The following WDR17 variants were observed in gnomAD, a reference collection of about 807,000 sequenced individuals.
WDR17 encodes WD repeat-containing protein 17.
A neutral mutation model predicts 161.7 loss-of-function variants in WDR17; 143 were observed. That is an observed-to-expected ratio of 0.88 (90% confidence interval 0.77 to 1.02). WDR17 has a LOEUF of 1.02. Ranked by LOEUF, WDR17 falls within the 50% of genes least tolerant of loss-of-function variation. WDR17 has a pLI of 0.00. For missense variants in WDR17, 1,469 were observed against 1,520.9 expected (o/e 0.97, Z 0.57); for synonymous variants, 517 against 515.6 (o/e 1.00, Z -0.04).
At chr4:176,175,611 G>A (rs1408768320) in intron 26 of WDR17, among the ~76,000 whole-genome samples, 2 of 152,254 alleles carry the variant, frequency 1.3e-5, no homozygotes, top group East Asian at 1.9e-4. Context: ...AGGCTGGAGT[G>A]CAGTGGCACA....
At position 176,128,874 on chromosome 4, in the gene WDR17, T is replaced by C; in HGVS notation, c.913+14T>C. 6.5e-7 allele frequency: 1 copy of C among 1,543,600 alleles called. No individual in the cohort carries two copies. The highest frequency in any genetic ancestry group is 8.7e-7 in the Non-Finnish European group (1 of 1,148,744). ...CAAGAAAAAAGTGTAAGTAAAAATGTTATCAAAATTTTAATTTTTAAAAAA... is the reference window on the plus strand; with the variant it reads ...CAAGAAAAAAGTGTAAGTAAAAATGCTATCAAAATTTTAATTTTTAAAAAA... On this transcript the variant is annotated intron_variant, in intron 6 of 28. Transcript: ENST00000508596.
At chr4:176,078,722 A>G (rs1274726675) in intron 1 of WDR17, among the ~76,000 whole-genome samples, 1 of 152,032 alleles carries the variant, frequency 6.6e-6, no homozygotes, top group Non-Finnish European at 1.5e-5. Flanking sequence ...GATCTTTGTC[A>G]TGGGCTTTTT....
At chr4:176,165,731 A>G (rs1224240695) in intron 22 of WDR17, among the ~76,000 whole-genome samples, 1 of 152,222 alleles carries the variant, frequency 6.6e-6, no homozygotes, top group Non-Finnish European at 1.5e-5. Flanking sequence ...CCTACTGAGC[A>G]GTTCAAACTC....
rs1270466819 is a variant in WDR17 at position 176,182,416 on chromosome 4, T to C, written c.*2837T>C. 6.6e-6 allele frequency: 1 copy of C among 150,858 alleles called. No individual in the cohort carries two copies. The highest frequency in any genetic ancestry group is 1.5e-5 in the Non-Finnish European group (1 of 67,686). The allele number at this position is 150,858 out of a possible 1,614,324, so 9.3% of individuals were successfully genotyped here. A position where few individuals can be genotyped will look rare whatever the true frequency, so the allele number is the denominator to read the frequency against. ...GTGCGTGTGTGTGTGTATATATATA[T>C]ATATATATATATATTTCTATGAAAT... On this transcript the variant is annotated 3_prime_UTR_variant, in exon 29 of 29. Transcript: ENST00000508596. This position sits in a 1 kb window ranked among gnomAD's most constrained non-coding sequence, Gnocchi z 4.2.
chr4:176,152,339 G>C (rs1313235290), intron 17 of WDR17, among the ~76,000 whole-genome samples: 1 of 140,644 alleles, frequency 7.1e-6, no homozygotes, highest in Non-Finnish European at 1.5e-5. Context: ...GCTCACGCCT[G>C]TAATCCCAAC....
At chr4:176,089,431 T>G (rs1735830500) in intron 1 of WDR17, among the ~76,000 whole-genome samples, 1 of 152,204 alleles carries the variant, frequency 6.6e-6, no homozygotes, top group Non-Finnish European at 1.5e-5. Context: ...TACTACAATT[T>G]TGATCCCCAG....
intron 1 of WDR17, among the ~76,000 whole-genome samples, chr4:176,082,139 C>T (rs1193440618): frequency 6.6e-6 from 1 of 151,626 alleles, no homozygotes; most frequent in African/African-American, 2.4e-5. Flanking sequence ...TACTATTTGC[C>T]AAAATGAATG....
Position 176,150,703 on chromosome 4 carries a change from TA to T in WDR17, c.2304+113del, listed in dbSNP as rs1363585414. 14 of 1,112,852 alleles carry T rather than the reference TA, an allele frequency of 1.3e-5. No homozygotes were observed. In the African/African-American group the frequency reaches 2.3e-4, roughly 18 times the overall value. 68.9% of individuals were successfully genotyped at this position (1,112,852 alleles called of 1,614,324 possible). ...ATATGATTAGATCGGTAGATTTAAA[TA>T]AATGAACACTGAGGAGATCCATCTT... is the stretch of plus-strand genomic sequence containing the variant. On this transcript the variant is annotated intron_variant, in intron 16 of 28. Coordinates refer to ENST00000508596, the MANE Select transcript of WDR17 (RefSeq NM_181265.4).
chr4:176,085,764 C>A (rs919864591), intron 1 of WDR17, among the ~76,000 whole-genome samples: 1 of 152,004 alleles, frequency 6.6e-6, no homozygotes. Context: ...ATTTCCTCTA[C>A]TGAATGTTTG....
At chr4:176,157,790 T>G (rs1023852420) in intron 18 of WDR17, among the ~76,000 whole-genome samples, 8 of 152,196 alleles carry the variant, frequency 5.3e-5, no homozygotes, top group South Asian at 2.1e-4. Flanking sequence ...GCTTTCTATG[T>G]TAGGTATCTG....
At chr4:176,175,635 G>T (rs905180353) in intron 26 of WDR17, among the ~76,000 whole-genome samples, 30 of 151,498 alleles carry the variant, frequency 2.0e-4, no homozygotes, top group African/African-American at 6.8e-4. Context: ...TCAGCCCACT[G>T]CAACCTCCGC....
At chr4:176,179,366 T>G (rs892899761) in intron 28 of WDR17, 94 bp from the exon 29 acceptor site, 25 of 1,209,416 alleles carry the variant, frequency 2.1e-5, no homozygotes, top group Non-Finnish European at 2.6e-5. Context: ...AATATTATGT[T>G]TTTTTTTATT....
Position 176,145,996 on chromosome 4 carries a change from G to A in WDR17, c.1531G>A (p.Asp511Asn), listed in dbSNP as rs1746094559. 10 of 1,612,146 alleles carry A rather than the reference G, an allele frequency of 6.2e-6. 1 individual carries two copies. The Middle Eastern group carries it at 5.0e-4, about 80-fold the overall frequency. The change falls in exon 12 of 29, where the codon GAC becomes AAC. Residue 511 changes from aspartate to asparagine, a missense_variant and splice_region_variant. Transcript: ENST00000508596. ...AATATTCCATTGATGATATTTCAGA[G>A]ACATGATAGCCACTGGCTGTGAAGA... Reference protein sequence around the residue: ...FGCDWSQNNKDMIATGCEDTN... With the variant: ...FGCDWSQNNKNMIATGCEDTN...
rs1214249929 is a variant in WDR17, at chr4:176,168,720, T to C, written c.3039T>C (p.His1013=). The C allele has an allele frequency of 6.2e-7, 1 of 1,613,628 alleles. No homozygotes were observed. Among genetic ancestry groups the C allele is most frequent in the East Asian group, 2.2e-5 (1 of 44,772 alleles). ...LLLMIPDNEL[H]LIKLCAFYPG... is the part of the protein sequence containing the mutation. ...TGATGATTCCTGATAATGAACTACA[T>C]TTAATAAAACTCTGTGCTTTCTACC... Residue 1013 remains histidine (H), a synonymous_variant, in exon 23 of 29, where the codon CAT becomes CAC. Coordinates refer to ENST00000508596, the MANE Select transcript of WDR17 (RefSeq NM_181265.4).
At chr4:176,153,604 A>G (rs1219634008) in intron 17 of WDR17, among the ~76,000 whole-genome samples, 1 of 152,206 alleles carries the variant, frequency 6.6e-6, no homozygotes, top group East Asian at 1.9e-4. Context: ...CAACCGTTAG[A>G]ATGGCATGGA....
rs1752107089 is a variant in WDR17 at position 176,181,028 on chromosome 4, TTTTA to T, written c.*1452_*1455del. 1 of 152,164 alleles carries T rather than the reference TTTTA, an allele frequency of 6.6e-6. No homozygotes were observed. Among genetic ancestry groups the T allele is most frequent in the African/African-American group, 2.4e-5 (1 of 41,442 alleles). The allele number at this position is 152,164 out of a possible 1,614,324, so 9.4% of individuals were successfully genotyped here. On this transcript the variant is annotated 3_prime_UTR_variant, in exon 29 of 29. Coordinates refer to ENST00000508596, the MANE Select transcript of WDR17 (RefSeq NM_181265.4). ...CTCATATAACTAGAATACTTGTGGC[TTTTA>T]TTATCTTTAAACTTGTTGCATTTAA... is the stretch of plus-strand genomic sequence containing the variant.
intron 23 of WDR17, among the ~76,000 whole-genome samples, chr4:176,170,599 G>T (rs752059357): frequency 2.6e-5 from 4 of 152,128 alleles, no homozygotes; most frequent in Non-Finnish European, 4.4e-5. Context: ...ACAGGCATGA[G>T]CCACCACGCC....
At chr4:176,150,202 A>AT in intron 15 of WDR17, 29 bp downstream of exon 15, 1 of 1,606,200 alleles carries the variant, frequency 6.2e-7, no homozygotes, top group Non-Finnish European at 8.5e-7. Context: ...AAATGCGAAT[A>AT]TTTTCCCTTT....
rs769325828 is a variant in WDR17, at chr4:176,141,965, T to G, written c.1443-18T>G. On this transcript the variant is annotated intron_variant, in intron 10 of 28. Coordinates refer to ENST00000508596, the MANE Select transcript of WDR17 (RefSeq NM_181265.4). ...TTAGAGTATTGTTTTTCTATTAACA[T>G]ATTATAATTAATTCTAGTATTATTC... The G allele has an allele frequency of 2.6e-6, 4 of 1,530,142 alleles. No individual in the cohort carries two copies. The highest frequency in any genetic ancestry group is 3.6e-6 in the Non-Finnish European group (4 of 1,118,518). 94.8% of individuals were successfully genotyped at this position (1,530,142 alleles called of 1,614,324 possible).
Sources: allele counts gnomAD v4.1 joint callset (sites outside exome capture counted in the v4.1 genomes callset), GRCh38; gene constraint gnomAD v4.1.1; non-coding constraint Gnocchi (gnomAD v3.1); transcripts MANE v1.5; gene names NCBI Gene and HGNC (gene_info 2026-07-23, HGNC 2026-07-21).